Variants in CADM2 observed in about 807,000 individuals in gnomAD.
CADM2 encodes cell adhesion molecule 2, also known as immunoglobulin superfamily member 4D.
CADM2 carries 12 observed loss-of-function variants against 49.8 expected under a neutral mutation model. The observed-to-expected ratio is 0.24, with a 90% CI of 0.15 to 0.39. CADM2 has a LOEUF of 0.39. Among genes scored for constraint, CADM2 ranks in the 10% least tolerant of loss-of-function variants. The pLI is 1.00. For synonymous variants in CADM2, 214 were observed against 175.4 expected (o/e 1.22, Z -1.74); for missense variants, 378 against 492.3 (o/e 0.77, Z 2.20).
intron 7 of CADM2, among the ~76,000 whole-genome samples, chr3:85,941,008 T>C (rs1453961522): frequency 6.6e-6 from 1 of 152,070 alleles, no homozygotes; most frequent in Non-Finnish European, 1.5e-5. Flanking sequence ...GTACCTACAC[T>C]GACCCATCAT....
At chr3:85,460,798 G>T (rs1178866304) in intron 1 of CADM2, among the ~76,000 whole-genome samples, 1 of 151,572 alleles carries the variant, frequency 6.6e-6, no homozygotes, top group Non-Finnish European at 1.5e-5. Flanking sequence ...TCCCTTGAAA[G>T]GTAGGTGAGG....
At chr3:85,847,641 C>T (rs1273567132) in intron 3 of CADM2, among the ~76,000 whole-genome samples, 4 of 152,136 alleles carry the variant, frequency 2.6e-5, no homozygotes, top group Admixed American at 2.6e-4. Context: ...TATTAGCACA[C>T]TAGAAGCTGT....
intron 8 of CADM2, among the ~76,000 whole-genome samples, chr3:86,030,664 T>C (rs1260910437): frequency 6.6e-6 from 1 of 151,930 alleles, no homozygotes; most frequent in African/African-American, 2.4e-5. Context: ...CATTGTCTAC[T>C]GTTGGTAAAA....
At chr3:85,570,360 G>A (rs1025116438) in intron 1 of CADM2, among the ~76,000 whole-genome samples, 3 of 151,900 alleles carry the variant, frequency 2.0e-5, no homozygotes, top group African/African-American at 2.4e-5. Context: ...AATCTTTTAC[G>A]AAGCTCAAGT....
chr3:85,107,902 T>G (rs2038306885), intron 1 of CADM2, among the ~76,000 whole-genome samples: 1 of 151,924 alleles, frequency 6.6e-6, no homozygotes, highest in Non-Finnish European at 1.5e-5. Flanking sequence ...GGTTTTGCAA[T>G]GTTTGGCCAG....
chr3:85,686,848 T>G (rs2066232264), intron 1 of CADM2, among the ~76,000 whole-genome samples: 1 of 152,200 alleles, frequency 6.6e-6, no homozygotes, highest in Non-Finnish European at 1.5e-5. Context: ...ACCAATAACC[T>G]GGAAGCACCC....
intron 8 of CADM2, among the ~76,000 whole-genome samples, chr3:85,990,039 A>AG: frequency 6.7e-6 from 1 of 149,254 alleles, no homozygotes; most frequent in Admixed American, 6.7e-5. Context: ...AAAAAAAAAA[A>AG]AAAAAGAAGA....
intron 1 of CADM2, among the ~76,000 whole-genome samples, chr3:85,329,816 T>G (rs1247019709): frequency 2.0e-5 from 3 of 152,046 alleles, no homozygotes; most frequent in African/African-American, 7.2e-5. Context: ...TCATGACTAT[T>G]TTTTTGAGAC....
At chr3:84,964,941 T>C (rs2030860784) in intron 1 of CADM2, among the ~76,000 whole-genome samples, 3 of 152,198 alleles carry the variant, frequency 2.0e-5, no homozygotes, top group South Asian at 2.1e-4. Flanking sequence ...ATGAAAGTTA[T>C]CCTAAAGTAT....
intron 1 of CADM2, chr3:84,960,512 C>T (rs1575922138): frequency 6.6e-6 from 1 of 151,666 alleles, no homozygotes; most frequent in South Asian, 2.1e-4. Context: ...GAAATATATG[C>T]TCCCTAGCAG....
At chr3:85,483,160 C>T (rs1291633605) in intron 1 of CADM2, among the ~76,000 whole-genome samples, 1 of 151,188 alleles carries the variant, frequency 6.6e-6, no homozygotes, top group Non-Finnish European at 1.5e-5. Flanking sequence ...ATGAAATTTA[C>T]CATTTTAACT....
intron 1 of CADM2, among the ~76,000 whole-genome samples, chr3:85,452,188 T>C (rs1260233237): frequency 2.0e-5 from 3 of 152,146 alleles, no homozygotes; most frequent in African/African-American, 4.8e-5. Context: ...GAAAATTTCT[T>C]GAAGCCCATT....
chr3:85,680,151 C>T (rs1410827851), intron 1 of CADM2, among the ~76,000 whole-genome samples: 1 of 151,870 alleles, frequency 6.6e-6, no homozygotes, highest in Non-Finnish European at 1.5e-5. Flanking sequence ...TTGATTCATT[C>T]CAAATACTCC....
At chr3:85,962,352 A>G (rs12714643) in intron 8 of CADM2, among the ~76,000 whole-genome samples, 25,063 of 152,026 alleles carry the variant, frequency 0.16, 2,100 homozygotes, top group South Asian at 0.24. Context: ...TGGTTTCACA[A>G]AGAATGACAG....
At chr3:85,894,503 A>C (rs568426404) in intron 5 of CADM2, among the ~76,000 whole-genome samples, 8 of 152,060 alleles carry the variant, frequency 5.3e-5, no homozygotes, top group South Asian at 2.1e-4. Flanking sequence ...TAAAAAAAAA[A>C]CCCCATTTTC....
At chr3:85,113,260 C>T (rs923480804) in intron 1 of CADM2, among the ~76,000 whole-genome samples, 1 of 151,928 alleles carries the variant, frequency 6.6e-6, no homozygotes, top group East Asian at 1.9e-4. Context: ...GGCTCTGCTG[C>T]CCAGTAATTT....
chr3:84,976,473 T>C (rs957346609), intron 1 of CADM2, among the ~76,000 whole-genome samples: 1 of 151,774 alleles, frequency 6.6e-6, no homozygotes, highest in Non-Finnish European at 1.5e-5. Context: ...AAAAGTATTT[T>C]TCCTTCAAAA....
chr3:85,186,753 T>A (rs1025253405), intron 1 of CADM2, among the ~76,000 whole-genome samples: 3 of 151,924 alleles, frequency 2.0e-5, no homozygotes, highest in Admixed American at 2.0e-4. Flanking sequence ...AGGGACAAAA[T>A]TGCTCCTGAT....
intron 1 of CADM2, among the ~76,000 whole-genome samples, chr3:85,611,297 G>A (rs559105257): frequency 6.6e-6 from 1 of 151,398 alleles, no homozygotes; most frequent in East Asian, 1.9e-4. Context: ...GATGATGCTG[G>A]TGCTAATGTT....
Sources: allele counts gnomAD v4.1 joint callset (sites outside exome capture counted in the v4.1 genomes callset), GRCh38; gene constraint gnomAD v4.1.1; transcripts MANE v1.5; gene names NCBI Gene and HGNC (gene_info 2026-07-23, HGNC 2026-07-21).